The following NUP62 variants were observed in gnomAD, a reference collection of about 807,000 sequenced individuals.
NUP62 encodes nuclear pore glycoprotein p62.
For missense variants in NUP62, 647 were observed against 689.4 expected (o/e 0.94, Z 0.69); for synonymous variants, 305 against 303.4 (o/e 1.01, Z -0.05).
rs531850741 is a variant in NUP62, at chr19:49,909,951, G to A, written c.-77-67C>T. The stretch of plus-strand genomic sequence containing the variant: ...AAGGCAAGCTCAGTGGCATGACTGG[G>A]CACAGTCGGTTTGGAGGGTGGTGGG... On this transcript the variant is annotated intron_variant, in intron 2 of 2. Transcript: ENST00000352066. 8.5e-6 allele frequency: 7 copies of A among 828,088 alleles called. No individual in the cohort carries two copies. The Admixed American group carries it at 1.0e-4, about 12-fold the overall frequency. 51.3% of individuals were successfully genotyped at this position (828,088 alleles called of 1,614,324 possible).
In NUP62 at chr19:49,909,464, C is replaced by T. The variant is rs1461500223; in HGVS notation, c.344G>A (p.Gly115Glu). 6.2e-7 allele frequency: 1 copy of T among 1,614,074 alleles called. No homozygotes were observed. Among genetic ancestry groups the T allele is most frequent in the Non-Finnish European group, 8.5e-7 (1 of 1,180,016 alleles). The change falls in exon 3 of 3, where the codon GGG (glycine) becomes GAG (glutamate). Residue 115 changes from glycine (G) to glutamate (E), a missense_variant. Transcript: ENST00000352066. ...ATTAGTGAGGTTGCTGCTGCCCAGC[C>T]CAAAGCCGCTGGGGTTTGCCATGGC... ...TPAMANPSGF[G>E]LGSSNLTNAI...
rs546844545 is a variant in NUP62, at chr19:49,909,038, C to A, written c.770G>T (p.Ser257Ile). The A allele has an allele frequency of 8.1e-6, 13 of 1,613,126 alleles. No individual in the cohort carries two copies. In the African/African-American group the frequency reaches 1.1e-4, roughly 13 times the overall value. ...GAPTAGTQGF[S>I]LKAPGAASGT... ...GGAAGCTGCTCCAGGTGCCTTTAAGCTGAAGCCCTGTGTCCCAGCAGTGGG... is the reference window on the plus strand; with the variant it reads ...GGAAGCTGCTCCAGGTGCCTTTAAGATGAAGCCCTGTGTCCCAGCAGTGGG... Residue 257 changes from serine (S) to isoleucine (I), a missense_variant, in exon 3 of 3, where the codon AGC (serine) becomes ATC (isoleucine). Ser to Ile is a moderately radical substitution (Grantham distance 142). Coordinates refer to ENST00000352066, the MANE Select transcript of NUP62 (RefSeq NM_016553.5).
In NUP62 at chr19:49,907,533, G is replaced by GTTTC; in HGVS notation, c.*702_*705dup. The stretch of plus-strand genomic sequence containing the variant: ...AAAACTAGGCTGCTGTCTCCTGGGA[G>GTTTC]TTTCTTTTTTTTTTTTTTTTTTTTT... On this transcript the variant is annotated 3_prime_UTR_variant, in exon 3 of 3. Coordinates refer to ENST00000352066, the MANE Select transcript of NUP62 (RefSeq NM_016553.5). The GTTTC allele has an allele frequency of 2.5e-6, 1 of 404,646 alleles. No individual in the cohort carries two copies. The highest frequency in any genetic ancestry group is 1.7e-5 in the South Asian group (1 of 57,458). The allele number at this position is 404,646 out of a possible 1,614,324, so 25.1% of individuals were successfully genotyped here.
At chr19:49,916,836 A>T (rs1039334364) in intron 2 of NUP62, among the ~76,000 whole-genome samples, 1 of 152,178 alleles carries the variant, frequency 6.6e-6, no homozygotes, top group Non-Finnish European at 1.5e-5. Flanking sequence ...TGGGAGGATG[A>T]CTTGAGCCCA....
chr19:49,917,924 C>G (rs951811064), intron 2 of NUP62: 2 of 152,248 alleles, frequency 1.3e-5, no homozygotes, highest in African/African-American at 4.8e-5. Context: ...CCCAGCTACT[C>G]GAGAGGCTGA....
At position 49,909,388 on chromosome 19, in the gene NUP62, A is replaced by G. The variant is rs746565522; in HGVS notation, c.420T>C (p.Phe140=). 16 of 1,613,752 alleles carry G rather than the reference A, an allele frequency of 9.9e-6. No homozygotes were observed. The highest frequency in any genetic ancestry group is 1.4e-5 in the Non-Finnish European group (16 of 1,180,044). The change falls in exon 3 of 3, where the codon TTT becomes TTC. Residue 140 remains phenylalanine (F), a synonymous_variant. Transcript: ENST00000352066. ...CAGAGGTGGTGGAGGGGCCAAACAC[A>G]AAGCCGGTGGGTGCTGTGCCCTGGC... ...TSSQGTAPTG[F]VFGPSTTSVA...
chr19:49,922,601 G>T (rs1038877994), intron 2 of NUP62, among the ~76,000 whole-genome samples: 1 of 151,984 alleles, frequency 6.6e-6, no homozygotes, highest in South Asian at 2.1e-4. Flanking sequence ...GCTGTGGGGA[G>T]GGGAAGTCAC....
At chr19:49,925,310 G>A (rs577362689) in intron 2 of NUP62, among the ~76,000 whole-genome samples, 6 of 151,752 alleles carry the variant, frequency 4.0e-5, no homozygotes, top group African/African-American at 9.7e-5. Flanking sequence ...AACCCAGGCC[G>A]GGCACAGTGG....
Position 49,908,174 on chromosome 19 carries a change from AGAC to A in NUP62, c.*62_*64del, listed in dbSNP as rs1277439580. 1.4e-5 allele frequency: 22 copies of A among 1,585,934 alleles called. No individual in the cohort carries two copies. In the East Asian group the frequency reaches 4.8e-4, roughly 34 times the overall value. On this transcript the variant is annotated 3_prime_UTR_variant, in exon 3 of 3. Transcript: ENST00000352066. The stretch of plus-strand genomic sequence containing the variant: ...GTATCTTGCCACAACCCCAAACTAC[AGAC>A]AACAGGGCGCATTCCCCTCATGAAC...
At chr19:49,910,014 C>A (rs2075423109) in intron 2 of NUP62, 130 bp from the exon 3 acceptor site, 1 of 652,660 alleles carries the variant, frequency 1.5e-6, no homozygotes, top group Non-Finnish European at 2.8e-6. Context: ...CTAAACTAGG[C>A]TCTGCTACAT....
At chr19:49,915,158 G>T (rs189341788) in intron 2 of NUP62, among the ~76,000 whole-genome samples, 4 of 152,134 alleles carry the variant, frequency 2.6e-5, no homozygotes, top group East Asian at 3.9e-4. Flanking sequence ...CTATGTGTGT[G>T]GGGGGGTAGA....
Position 49,908,471 on chromosome 19 carries a change from C to T in NUP62, c.1337G>A (p.Arg446His), listed in dbSNP as rs140379555. 4.6e-5 allele frequency: 74 copies of T among 1,614,032 alleles called. No homozygotes were observed. The highest frequency in any genetic ancestry group is 5.6e-5 in the Non-Finnish European group (66 of 1,180,060). ...GATGTCCTTGAGATCCTGGGCCATG[C>T]GCTTGAGCTGTGCATCGATGTTCTC... is the stretch of plus-strand genomic sequence containing the variant. Reference protein sequence around the residue: ...LAENIDAQLKRMAQDLKDIIE... With the variant: ...LAENIDAQLKHMAQDLKDIIE... Residue 446 changes from arginine to histidine, a missense_variant, in exon 3 of 3, where the codon CGC becomes CAC. By Grantham distance (29) the Arg-to-His change is conservative. Transcript: ENST00000352066.
chr19:49,920,218 G>C (rs540735979), intron 2 of NUP62, among the ~76,000 whole-genome samples: 16 of 152,214 alleles, frequency 1.1e-4, no homozygotes, highest in African/African-American at 3.9e-4. Context: ...AAGTAGCTGG[G>C]ACTACAGGCG....
chr19:49,918,895 T>TGGGGGGGGGGG (rs56129490), intron 2 of NUP62, among the ~76,000 whole-genome samples: 33 of 72,328 alleles, frequency 4.6e-4, no homozygotes, highest in Admixed American at 1.0e-3. Context: ...TTTGGGAGGC[T>TGGGGGGGGGGG]GGGGGGGGGG....
At position 49,908,167 on chromosome 19, in the gene NUP62, A is replaced by G; in HGVS notation, c.*72T>C. On this transcript the variant is annotated 3_prime_UTR_variant, in exon 3 of 3. Coordinates refer to ENST00000352066, the MANE Select transcript of NUP62 (RefSeq NM_016553.5). ...CAAACAAGTATCTTGCCACAACCCC[A>G]AACTACAGACAACAGGGCGCATTCC... 12 of 1,576,222 alleles carry G rather than the reference A, an allele frequency of 7.6e-6. No homozygotes were observed. The highest frequency in any genetic ancestry group is 1.0e-5 in the Non-Finnish European group (12 of 1,165,080).
At chr19:49,922,551 G>A (rs116261809) in intron 2 of NUP62, among the ~76,000 whole-genome samples, 1,872 of 152,038 alleles carry the variant, frequency 0.012, 42 homozygotes, top group African/African-American at 0.043. Flanking sequence ...AATGAGGGCT[G>A]GGTTCCTTTT....
chr19:49,925,530 G>A (rs1029442252), intron 2 of NUP62, among the ~76,000 whole-genome samples: 1 of 151,574 alleles, frequency 6.6e-6, no homozygotes, highest in Non-Finnish European at 1.5e-5. Context: ...CCAAATGGAA[G>A]CACATTCCAT....
At chr19:49,910,522 C>T (rs774209233) in intron 2 of NUP62, among the ~76,000 whole-genome samples, 1 of 152,176 alleles carries the variant, frequency 6.6e-6, no homozygotes, top group Non-Finnish European at 1.5e-5. Flanking sequence ...CAGTGATTGG[C>T]TCAAGGATAA....
rs921286688 is a variant in NUP62, at chr19:49,921,368, A to C, written c.-78+6326T>G. Among the ~76,000 whole-genome samples the C allele has an allele frequency of 3.3e-5, 5 of 151,608 alleles. No homozygotes were observed. Among genetic ancestry groups the C allele is most frequent in the Non-Finnish European group, 7.4e-5 (5 of 67,902 alleles). On this transcript the variant is annotated intron_variant, in intron 2 of 2. Coordinates refer to ENST00000352066, the MANE Select transcript of NUP62 (RefSeq NM_016553.5). The surrounding 1 kb of genome is among the most constrained non-coding windows in gnomAD (Gnocchi z 5.4). ...TTTGCTCCCCACTGCCACCACCATC[A>C]CCGTCCCCTGCCTCATCCAGTCCCC...
Sources: allele counts gnomAD v4.1 joint callset (sites outside exome capture counted in the v4.1 genomes callset), GRCh38; gene constraint gnomAD v4.1.1; non-coding constraint Gnocchi (gnomAD v3.1); transcripts MANE v1.5; gene names NCBI Gene and HGNC (gene_info 2026-07-23, HGNC 2026-07-21).